The following FOXP2 variants were observed in gnomAD, a reference collection of about 807,000 sequenced individuals.
The protein encoded by FOXP2 is forkhead box P2, also known as forkhead box protein P2.
FOXP2 carries 12 observed loss-of-function variants against 115.8 expected under a neutral mutation model. That is an observed-to-expected ratio of 0.10 (90% CI 0.07 to 0.17). The LOEUF (loss-of-function observed/expected upper bound fraction) is 0.17, where lower values mean the gene tolerates loss of function less well. Among genes scored for constraint, FOXP2 ranks in the 10% least tolerant of loss-of-function variants. The probability of loss-of-function intolerance (pLI) is 1.00; values close to 1 mark genes in which losing one functional copy is unlikely to be tolerated. For missense variants in FOXP2, 629 were observed against 843.5 expected, an observed-to-expected ratio of 0.75 and a Z score of 3.15; for synonymous variants, 328 against 297.7, an observed-to-expected ratio of 1.10 and a Z score of -1.05.
chr7:114,549,577 C>T (rs993205551), intron 3 of FOXP2, among the ~76,000 whole-genome samples: 1 of 152,198 alleles, frequency 6.6e-6, no homozygotes, highest in African/African-American at 2.4e-5. Flanking sequence ...TTTGTCATCA[C>T]TTCATCCAGG....
chr7:114,673,521 A>C (rs1354067248), intron 16 of FOXP2, among the ~76,000 whole-genome samples: 1 of 152,230 alleles, frequency 6.6e-6, no homozygotes, highest in African/African-American at 2.4e-5. Context: ...AGTGAGCCTA[A>C]ATCATGTAAA....
At chr7:114,190,059 G>A (rs1402721560) in intron 1 of FOXP2, among the ~76,000 whole-genome samples, 6 of 152,180 alleles carry the variant, frequency 3.9e-5, no homozygotes, top group Admixed American at 3.9e-4. Context: ...TTAGGACCCA[G>A]ACATCACAAG....
intron 1 of FOXP2, among the ~76,000 whole-genome samples, chr7:114,179,391 T>G (rs1793399547): frequency 6.6e-6 from 1 of 152,000 alleles, no homozygotes; most frequent in Non-Finnish European, 1.5e-5. Flanking sequence ...TAGTAGATTT[T>G]AAGAATCAGT....
chr7:114,117,091 A>G (rs1013352401), intron 1 of FOXP2, among the ~76,000 whole-genome samples: 5 of 152,106 alleles, frequency 3.3e-5, no homozygotes, highest in Non-Finnish European at 7.4e-5. Context: ...CTCAGGGGAA[A>G]AAATTTTACT....
Position 114,691,937 on chromosome 7 carries a change from A to G in FOXP2, c.*2011A>G, listed in dbSNP as rs1207444912. ...GAAAGCTTCTACCTCTGCAAAAAAA[A>G]AAAAAGAAAAAAAAAAAAAGAAAAA... On this transcript the variant is annotated 3_prime_UTR_variant, in exon 17 of 17. Coordinates refer to ENST00000350908, the MANE Select transcript of FOXP2 (RefSeq NM_014491.4). 2 of 399,092 alleles carry G rather than the reference A, an allele frequency of 5.0e-6. No individual in the cohort carries two copies. Among genetic ancestry groups the G allele is most frequent in the Admixed American group, 3.4e-5 (1 of 29,708 alleles). 24.7% of individuals were successfully genotyped at this position (399,092 alleles called of 1,614,324 possible). A position where few individuals can be genotyped will look rare whatever the true frequency, so the allele number is the denominator to read the frequency against.
At chr7:114,260,880 A>C (rs962840317) in intron 1 of FOXP2, among the ~76,000 whole-genome samples, 1 of 150,604 alleles carries the variant, frequency 6.6e-6, no homozygotes. Flanking sequence ...AACCGAACAC[A>C]TGAAAAAAGA....
intron 2 of FOXP2, among the ~76,000 whole-genome samples, chr7:114,378,766 AC>A (rs1792207863): frequency 6.7e-6 from 1 of 148,924 alleles, no homozygotes; most frequent in Non-Finnish European, 1.5e-5. Context: ...GCTGTCTGGT[AC>A]CTACAAGAAT....
chr7:114,581,343 C>A (rs1160573883), intron 3 of FOXP2, among the ~76,000 whole-genome samples: 1 of 151,938 alleles, frequency 6.6e-6, no homozygotes, highest in African/African-American at 2.4e-5. Context: ...GCCACCATAT[C>A]TGACTAATTA....
chr7:114,636,327 T>G (rs1263878168), intron 6 of FOXP2, among the ~76,000 whole-genome samples: 1 of 152,134 alleles, frequency 6.6e-6, no homozygotes, highest in Non-Finnish European at 1.5e-5. Flanking sequence ...TTTCACATCT[T>G]AAAATACAAA....
intron 2 of FOXP2, among the ~76,000 whole-genome samples, chr7:114,300,909 A>G (rs1796865272): frequency 6.6e-6 from 1 of 152,072 alleles, no homozygotes; most frequent in Admixed American, 6.6e-5. Flanking sequence ...AGAGCTGACT[A>G]GGCCAAGTGA....
chr7:114,247,064 A>AT (rs1397079017), intron 1 of FOXP2, among the ~76,000 whole-genome samples: 1 of 152,114 alleles, frequency 6.6e-6, no homozygotes, highest in Admixed American at 6.6e-5. Flanking sequence ...TCTATGTATC[A>AT]TTTTTTATTC....
intron 1 of FOXP2, among the ~76,000 whole-genome samples, chr7:114,245,844 GT>G (rs200070661): frequency 3.6e-4 from 53 of 149,104 alleles, no homozygotes; most frequent in African/African-American, 1.0e-3. Flanking sequence ...AAGTTCCAAA[GT>G]TTTTTTTCCT....
chr7:114,289,260 C>T (rs112123653), intron 2 of FOXP2, among the ~76,000 whole-genome samples: 3 of 151,772 alleles, frequency 2.0e-5, no homozygotes, highest in Non-Finnish European at 4.4e-5. Flanking sequence ...CTTCATTTTA[C>T]TCTTAATTTA....
intron 3 of FOXP2, among the ~76,000 whole-genome samples, chr7:114,603,088 T>C (rs2129314536): frequency 6.6e-6 from 1 of 152,284 alleles, no homozygotes; most frequent in South Asian, 2.1e-4. Flanking sequence ...GGAAGTTTTT[T>C]CTTATGGAAC....
chr7:114,679,596 AAC>A (rs1290330864), intron 16 of FOXP2, among the ~76,000 whole-genome samples: 1 of 151,680 alleles, frequency 6.6e-6, no homozygotes, highest in East Asian at 1.9e-4. Flanking sequence ...CTGCTATTCT[AAC>A]ACACACACAC....
intron 3 of FOXP2, among the ~76,000 whole-genome samples, chr7:114,591,337 T>C (rs1052101703): frequency 2.0e-5 from 3 of 152,150 alleles, no homozygotes; most frequent in East Asian, 1.9e-4. Context: ...TGATCATCTG[T>C]CTAAAATTCA....
At chr7:114,509,925 G>GAAAAA (rs375301578) in intron 2 of FOXP2, among the ~76,000 whole-genome samples, 1 of 148,632 alleles carries the variant, frequency 6.7e-6, no homozygotes, top group Non-Finnish European at 1.5e-5. Context: ...GGAAAAGAGA[G>GAAAAA]AAAAAAAAAG....
At chr7:114,212,218 T>G (rs1794377326) in intron 1 of FOXP2, among the ~76,000 whole-genome samples, 1 of 151,920 alleles carries the variant, frequency 6.6e-6, no homozygotes, top group South Asian at 2.1e-4. Flanking sequence ...TGTTTTCCTA[T>G]CTTAAGTGTT....
chr7:114,473,254 G>A (rs1440291850), intron 2 of FOXP2, among the ~76,000 whole-genome samples: 2 of 152,098 alleles, frequency 1.3e-5, no homozygotes, highest in African/African-American at 4.8e-5. Flanking sequence ...CCCAATTCCT[G>A]TGTTAGGTTC....
Sources: allele counts gnomAD v4.1 joint callset (sites outside exome capture counted in the v4.1 genomes callset), GRCh38; gene constraint gnomAD v4.1.1; transcripts MANE v1.5; gene names NCBI Gene and HGNC (gene_info 2026-07-23, HGNC 2026-07-21).